Variants in HECW2 observed in about 807,000 individuals in gnomAD.
HECW2 encodes the protein E3 ubiquitin-protein ligase HECW2.
A neutral mutation model predicts 175.2 loss-of-function variants in HECW2; 61 were observed. The ratio of observed to expected loss-of-function variants is 0.35; its 90% CI spans 0.28 to 0.43. The LOEUF (loss-of-function observed/expected upper bound fraction) is 0.43. Among genes scored for constraint, HECW2 ranks in the 20% least tolerant of loss-of-function variants. The pLI, the probability that HECW2 is intolerant of heterozygous loss-of-function variation, is 1.00. For missense variants in HECW2, 1,524 were observed against 2,000.5 expected (o/e 0.76, Z 4.54); for synonymous variants, 671 against 731.0 (o/e 0.92, Z 1.32).
chr2:196,234,269 G>C, intron 21 of HECW2, among the ~76,000 whole-genome samples: 1 of 150,782 alleles, frequency 6.6e-6, no homozygotes. Context: ...GAACACAACA[G>C]TCTAATCCAG....
chr2:196,570,268 T>G (rs1454662744), intron 1 of HECW2, among the ~76,000 whole-genome samples: 1 of 152,234 alleles, frequency 6.6e-6, no homozygotes, highest in Non-Finnish European at 1.5e-5. Context: ...ACCATAATCA[T>G]TTTAGTCAAT....
intron 2 of HECW2, among the ~76,000 whole-genome samples, chr2:196,418,008 G>C (rs1038834691): frequency 1.3e-5 from 2 of 152,142 alleles, no homozygotes; most frequent in Admixed American, 1.3e-4. Context: ...TTCCCAGTTG[G>C]AAATTTCACA....
At chr2:196,299,234 T>C (rs2105672899) in intron 13 of HECW2, among the ~76,000 whole-genome samples, 1 of 151,840 alleles carries the variant, frequency 6.6e-6, no homozygotes, top group South Asian at 2.1e-4. Flanking sequence ...AAGAATACTT[T>C]GAAATCAAGA....
chr2:196,383,054 G>A (rs1408872731), intron 2 of HECW2, among the ~76,000 whole-genome samples: 1 of 152,160 alleles, frequency 6.6e-6, no homozygotes, highest in Non-Finnish European at 1.5e-5. Context: ...AGTGGTTCAA[G>A]GTAGGAGAAA....
intron 21 of HECW2, 97 bp downstream of exon 21, chr2:196,240,352 A>T: frequency 1.2e-6 from 1 of 833,162 alleles, no homozygotes; most frequent in Non-Finnish European, 1.9e-6. Context: ...TTCCTGGCAG[A>T]AGGATTTCCT....
At chr2:196,326,274 G>A (rs1692146908) in intron 5 of HECW2, among the ~76,000 whole-genome samples, 1 of 152,094 alleles carries the variant, frequency 6.6e-6, no homozygotes, top group Non-Finnish European at 1.5e-5. Context: ...ATTGCCCATA[G>A]AACCGTATTC....
chr2:196,426,234 A>G (rs772457654), intron 2 of HECW2, among the ~76,000 whole-genome samples: 13 of 152,172 alleles, frequency 8.5e-5, no homozygotes, highest in Non-Finnish European at 1.6e-4. Flanking sequence ...TGCACTGAGA[A>G]ACCAAAAAAC....
At chr2:196,203,929 T>C (rs1478417025) in intron 28 of HECW2, among the ~76,000 whole-genome samples, 1 of 152,208 alleles carries the variant, frequency 6.6e-6, no homozygotes, top group Non-Finnish European at 1.5e-5. Flanking sequence ...TGAATTTCAC[T>C]ACCCTATGTA....
At chr2:196,281,311 G>A (rs983419145) in intron 14 of HECW2, among the ~76,000 whole-genome samples, 6 of 152,034 alleles carry the variant, frequency 3.9e-5, no homozygotes, top group Non-Finnish European at 8.8e-5. Flanking sequence ...AATACAAGGA[G>A]ACAACTAACA....
intron 1 of HECW2, among the ~76,000 whole-genome samples, chr2:196,507,838 T>C (rs1687820352): frequency 6.6e-6 from 1 of 152,216 alleles, no homozygotes; most frequent in African/African-American, 2.4e-5. Flanking sequence ...TTTCCAGCAG[T>C]AAGGAAAGTT....
chr2:196,234,109 T>G (rs907059302), intron 21 of HECW2, among the ~76,000 whole-genome samples: 4 of 152,088 alleles, frequency 2.6e-5, no homozygotes, highest in African/African-American at 9.7e-5. Flanking sequence ...CATAATAAAC[T>G]CATTCTTTCT....
At chr2:196,439,253 G>A (rs1046935078) in intron 1 of HECW2, among the ~76,000 whole-genome samples, 6 of 152,176 alleles carry the variant, frequency 3.9e-5, no homozygotes, top group African/African-American at 1.4e-4. Context: ...ATTTAGTCTA[G>A]GGTAACTATT....
intron 1 of HECW2, among the ~76,000 whole-genome samples, chr2:196,530,905 T>G (rs1688817940): frequency 6.6e-6 from 1 of 152,198 alleles, no homozygotes; most frequent in Non-Finnish European, 1.5e-5. Flanking sequence ...CTCATTTTCT[T>G]AAATACACTA....
chr2:196,299,606 T>A (rs963988176), intron 13 of HECW2, among the ~76,000 whole-genome samples: 3 of 152,116 alleles, frequency 2.0e-5, no homozygotes. Context: ...AGAATATGCA[T>A]TTTATTTTTT....
intron 2 of HECW2, among the ~76,000 whole-genome samples, chr2:196,402,864 T>C (rs1422507953): frequency 1.4e-5 from 2 of 144,964 alleles, no homozygotes; most frequent in Admixed American, 1.5e-4. Flanking sequence ...TGGAGTGCAG[T>C]GGCACGATCT....
At chr2:196,204,736 T>C (rs935471675) in intron 28 of HECW2, among the ~76,000 whole-genome samples, 2 of 152,234 alleles carry the variant, frequency 1.3e-5, no homozygotes, top group African/African-American at 2.4e-5. Context: ...GTAACAGGTC[T>C]CAAGGTAGTG....
chr2:196,467,683 T>C lies in HECW2; in HGVS notation c.-35-34225A>G, dbSNP rs1575578910. On this transcript the variant is annotated intron_variant, in intron 1 of 28. Transcript: ENST00000644978. Reference sequence around the variant, plus strand: ...GTCAGATTAAAAGAATAATACTGGATATTGAGCATACAAATTATCACAACA... The same window carrying C: ...GTCAGATTAAAAGAATAATACTGGACATTGAGCATACAAATTATCACAACA... Among the ~76,000 whole-genome samples the C allele has an allele frequency of 2.6e-5, 4 of 152,328 alleles. No individual in the cohort carries two copies. The South Asian group carries it at 8.3e-4, about 32-fold the overall frequency.
chr2:196,540,294 G>C (rs1264999770), intron 1 of HECW2, among the ~76,000 whole-genome samples: 1 of 152,110 alleles, frequency 6.6e-6, no homozygotes, highest in Non-Finnish European at 1.5e-5. Context: ...AGAGCAAGTA[G>C]TTGTTCTACT....
At chr2:196,510,686 A>G (rs1687916467) in intron 1 of HECW2, among the ~76,000 whole-genome samples, 1 of 151,926 alleles carries the variant, frequency 6.6e-6, no homozygotes, top group Admixed American at 6.6e-5. Flanking sequence ...CAAATATGGG[A>G]ATTGTTATTT....
Sources: gnomAD v4.1 joint callset for allele counts (sites outside exome capture counted in the v4.1 genomes callset) on GRCh38, gnomAD v4.1.1 for gene constraint, MANE v1.5 for transcripts, NCBI Gene and HGNC (gene_info 2026-07-23, HGNC 2026-07-21) for gene names.